CEP63: variants seen among roughly 807,000 people sequenced by gnomAD.
CEP63 encodes the protein centrosomal protein 63.
CEP63 carries 84 observed loss-of-function variants against 89.1 expected under a neutral mutation model. That is an observed-to-expected ratio of 0.94 (90% CI 0.79 to 1.13). CEP63 has a LOEUF of 1.13. Among genes scored for constraint, CEP63 ranks in the 50% most tolerant of loss-of-function variants. The pLI is 0.00. For synonymous variants in CEP63, 267 were observed against 272.5 expected, an observed-to-expected ratio of 0.98 and a Z score of 0.20; for missense variants, 838 against 813.3, an observed-to-expected ratio of 1.03 and a Z score of -0.37.
At chr3:134,777,151 CAT>C in the CEP63 span, among the ~76,000 whole-genome samples, 1 of 152,190 alleles carries the variant, frequency 6.6e-6, no homozygotes, top group Non-Finnish European at 1.5e-5. Context: ...AAAAAAGGCA[CAT>C]GTTTTGTATT....
the CEP63 span, among the ~76,000 whole-genome samples, chr3:134,765,022 C>A: frequency 1.3e-5 from 2 of 152,162 alleles, no homozygotes; most frequent in African/African-American, 4.8e-5. Flanking sequence ...GCATCAGAAC[C>A]ACCTGGAGGG....
At chr3:134,583,874 TCTC>T (rs1277562185) in intron 10 of CEP63, among the ~76,000 whole-genome samples, 1 of 152,164 alleles carries the variant, frequency 6.6e-6, no homozygotes, top group African/African-American at 2.4e-5. Context: ...GGTTTGTAGT[TCTC>T]CTTGAAGAGG....
At chr3:134,608,076 GC>G in the CEP63 span, 2 of 1,104,018 alleles carry the variant, frequency 1.8e-6, no homozygotes, top group Non-Finnish European at 2.2e-6. Context: ...GGGTGGGACT[GC>G]CCCCACCTGT....
chr3:134,569,233 A>G (rs1577488168), downstream of CEP63, among the ~76,000 whole-genome samples: 1 of 152,124 alleles, frequency 6.6e-6, no homozygotes, highest in Non-Finnish European at 1.5e-5. Context: ...AAAACCAATC[A>G]TGCCTTCCCA....
At chr3:134,676,018 A>T in the CEP63 span, among the ~76,000 whole-genome samples, 2 of 152,246 alleles carry the variant, frequency 1.3e-5, no homozygotes, top group South Asian at 4.1e-4. Flanking sequence ...ACTACTCAGC[A>T]ATTCCACTCC....
At chr3:134,735,157 T>G in the CEP63 span, among the ~76,000 whole-genome samples, 1 of 152,184 alleles carries the variant, frequency 6.6e-6, no homozygotes, top group Non-Finnish European at 1.5e-5. Flanking sequence ...AAAAATCCAT[T>G]GTCGTCACAT....
the CEP63 span, among the ~76,000 whole-genome samples, chr3:134,741,504 C>T: frequency 6.1e-4 from 93 of 152,226 alleles, no homozygotes; most frequent in African/African-American, 2.2e-3. Context: ...CCTGGCCAGC[C>T]CCTGTGGATG....
rs1160475060 is a variant in CEP63 at position 134,546,213 on chromosome 3, A to G, written c.854A>G (p.Glu285Gly). 6.2e-7 allele frequency: 1 copy of G among 1,613,820 alleles called. No individual in the cohort carries two copies. Among genetic ancestry groups the G allele is most frequent in the African/African-American group, 1.3e-5 (1 of 74,936 alleles). Residue 285 changes from glutamate to glycine, a missense_variant, in exon 8 of 15, where the codon GAG (glutamate) becomes GGG (glycine). Physicochemically the swap from Glu to Gly is moderately conservative, Grantham distance 98 (BLOSUM62 -2). Coordinates refer to ENST00000675561, the MANE Select transcript of CEP63 (RefSeq NM_001353108.3). ...ALQSQENLIH[E>G]ARIQKEKLQE... ...CAGTCTCAAGAAAATCTCATACATGAGGCCAGAATACAAAAGGAGAAGTTA... is the reference window on the plus strand; with the variant it reads ...CAGTCTCAAGAAAATCTCATACATGGGGCCAGAATACAAAAGGAGAAGTTA...
the CEP63 span, among the ~76,000 whole-genome samples, chr3:134,594,592 C>T: frequency 2.0e-5 from 3 of 152,262 alleles, no homozygotes; most frequent in South Asian, 2.1e-4. Flanking sequence ...CAATTTTTCT[C>T]CTCTTGTAAA....
At chr3:134,651,119 ACT>A in the CEP63 span, 1 of 1,500,670 alleles carries the variant, frequency 6.7e-7, no homozygotes, top group African/African-American at 1.4e-5. Flanking sequence ...CTTTTCGCTG[ACT>A]CTGCCAAACA....
intron 12 of CEP63, 65 bp from the exon 13 acceptor site, chr3:134,558,077 A>G: frequency 7.3e-7 from 1 of 1,369,672 alleles, no homozygotes; most frequent in Non-Finnish European, 1.0e-6. Flanking sequence ...TTTTCCAACC[A>G]GCAGTATCAC....
chr3:134,531,199 T>C (rs73221348), intron 3 of CEP63, among the ~76,000 whole-genome samples: 200 of 152,360 alleles, frequency 1.3e-3, no homozygotes, highest in Middle Eastern at 3.4e-3. Flanking sequence ...TTTTATGAAG[T>C]ATTGTTGGTT....
At chr3:134,619,714 G>A in the CEP63 span, among the ~76,000 whole-genome samples, 3 of 152,254 alleles carry the variant, frequency 2.0e-5, no homozygotes, top group Non-Finnish European at 4.4e-5. Context: ...AGGAGGGGAT[G>A]AAGACATTGC....
At chr3:134,648,742 A>C in the CEP63 span, among the ~76,000 whole-genome samples, 3 of 152,026 alleles carry the variant, frequency 2.0e-5, no homozygotes, top group African/African-American at 7.2e-5. Context: ...TTCCAGCAGA[A>C]GGCCCTTCCA....
chr3:134,650,017 A>G, the CEP63 span, among the ~76,000 whole-genome samples: 1 of 152,204 alleles, frequency 6.6e-6, no homozygotes, highest in Non-Finnish European at 1.5e-5. Context: ...CTTGCCATCC[A>G]GGACCCTGAG....
At chr3:134,646,531 A>C in the CEP63 span, among the ~76,000 whole-genome samples, 4 of 152,228 alleles carry the variant, frequency 2.6e-5, no homozygotes. Flanking sequence ...GCACAAAGTA[A>C]GCACTATAGG....
the CEP63 span, among the ~76,000 whole-genome samples, chr3:134,756,258 G>C: frequency 6.6e-6 from 1 of 152,094 alleles, no homozygotes; most frequent in South Asian, 2.1e-4. Context: ...GATCATTCCC[G>C]AAGGGACTCC....
At chr3:134,625,355 G>C in the CEP63 span, among the ~76,000 whole-genome samples, 1 of 152,248 alleles carries the variant, frequency 6.6e-6, no homozygotes, top group Non-Finnish European at 1.5e-5. Context: ...TCCTCTTAGA[G>C]GCCTACAGGG....
downstream of CEP63, among the ~76,000 whole-genome samples, chr3:134,576,483 G>A (rs1199371728): frequency 6.6e-6 from 1 of 152,168 alleles, no homozygotes; most frequent in Non-Finnish European, 1.5e-5. Context: ...TTAGCAATTT[G>A]TATCACCAAT....
Sources: allele counts gnomAD v4.1 joint callset (sites outside exome capture counted in the v4.1 genomes callset), GRCh38; gene constraint gnomAD v4.1.1; transcripts MANE v1.5; gene names NCBI Gene and HGNC (gene_info 2026-07-23, HGNC 2026-07-21).